NUP35: variants seen among roughly 807,000 people sequenced by gnomAD.
NUP35 encodes the protein nucleoporin NUP35.
In NUP35, 25 loss-of-function variants were observed where a neutral mutation model predicts 41.5. That is an observed-to-expected ratio of 0.60 (90% CI 0.44 to 0.84). NUP35 has a LOEUF of 0.84. NUP35 is among the 40% of genes least tolerant of loss of function. NUP35 has a pLI of 0.00. For synonymous variants in NUP35, 149 were observed against 130.7 expected, an observed-to-expected ratio of 1.14 and a Z score of -0.96; for missense variants, 396 against 396.6, an observed-to-expected ratio of 1.00 and a Z score of 0.01.
chr2:183,145,693 A>G (rs899772633), intron 4 of NUP35, among the ~76,000 whole-genome samples: 9 of 152,212 alleles, frequency 5.9e-5, no homozygotes, highest in Non-Finnish European at 1.0e-4. Flanking sequence ...TACTCCAACA[A>G]TAAAATGGGA....
upstream of NUP35, among the ~76,000 whole-genome samples, chr2:183,123,414 C>A (rs1293708569): frequency 6.6e-6 from 1 of 152,138 alleles, no homozygotes; most frequent in Non-Finnish European, 1.5e-5. Context: ...ATTCACACAC[C>A]CATTTTCAAA....
At chr2:183,130,940 G>A in intron 3 of NUP35, 4 of 1,151,262 alleles carry the variant, frequency 3.5e-6, no homozygotes, top group South Asian at 1.7e-5. Context: ...TAGATCTAGG[G>A]CACTCGTCAG....
intron 7 of NUP35, 121 bp downstream of exon 7, chr2:183,158,532 T>C: frequency 2.3e-6 from 2 of 872,206 alleles, no homozygotes; most frequent in Admixed American, 2.8e-5. Context: ...GTTTGTAAAA[T>C]GTGATGATGT....
chr2:183,129,119 A>T (rs1420212722), intron 2 of NUP35, among the ~76,000 whole-genome samples: 1 of 152,244 alleles, frequency 6.6e-6, no homozygotes, highest in African/African-American at 2.4e-5. Flanking sequence ...AATAGGAAAT[A>T]ATCGGTCAAA....
At chr2:183,124,385 C>G (rs965066581), upstream of NUP35, 11 of 1,613,314 alleles carry the variant, frequency 6.8e-6, no homozygotes, top group East Asian at 2.5e-4. Flanking sequence ...ACGCCGTTAC[C>G]CGTGGGGAGC....
At chr2:183,123,065 C>G (rs1429590055), upstream of NUP35, among the ~76,000 whole-genome samples, 2 of 152,140 alleles carry the variant, frequency 1.3e-5, no homozygotes, top group Non-Finnish European at 2.9e-5. Flanking sequence ...GATGCTACAT[C>G]GTTGGCTTTG....
intron 4 of NUP35, among the ~76,000 whole-genome samples, chr2:183,148,825 A>AT (rs1050468089): frequency 1.3e-5 from 2 of 152,026 alleles, no homozygotes; most frequent in Non-Finnish European, 2.9e-5. Context: ...CGCCCAGCTA[A>AT]TTTTTTGTAT....
At chr2:183,142,571 C>T (rs1258994726) in intron 4 of NUP35, among the ~76,000 whole-genome samples, 3 of 151,590 alleles carry the variant, frequency 2.0e-5, no homozygotes, top group African/African-American at 2.4e-5. Flanking sequence ...AACCTGCCTC[C>T]CCAGGTTCAA....
intron 4 of NUP35, among the ~76,000 whole-genome samples, chr2:183,144,581 T>C (rs1288145729): frequency 6.7e-6 from 1 of 148,498 alleles, no homozygotes. Flanking sequence ...GACATTTTCA[T>C]AAAGGGTAAT....
At chr2:183,138,944 G>C (rs1372563093) in intron 4 of NUP35, among the ~76,000 whole-genome samples, 1 of 151,864 alleles carries the variant, frequency 6.6e-6, no homozygotes, top group Admixed American at 6.6e-5. Context: ...TTTGGGTTAG[G>C]TACTCCTTAC....
chr2:183,122,098 C>G (rs2705716), upstream of NUP35, among the ~76,000 whole-genome samples: 141,508 of 148,456 alleles, frequency 0.95, 67,471 homozygotes, highest in East Asian at 1. Flanking sequence ...TTTTTTTGGA[C>G]ACAGAGTCTC....
chr2:183,159,821 G>T, intron 8 of NUP35, 169 bp downstream of exon 8: 5 of 493,586 alleles, frequency 1.0e-5, no homozygotes, highest in South Asian at 4.2e-5. Flanking sequence ...TTAACATCTT[G>T]GCCAATTGGA....
intron 4 of NUP35, among the ~76,000 whole-genome samples, chr2:183,149,408 G>T (rs1351264891): frequency 1.3e-5 from 2 of 151,788 alleles, no homozygotes; most frequent in Non-Finnish European, 2.9e-5. Context: ...AAGAAAAAAA[G>T]ATTTGCAGGA....
At chr2:183,156,437 T>C (rs1157264085) in intron 5 of NUP35, among the ~76,000 whole-genome samples, 1 of 152,220 alleles carries the variant, frequency 6.6e-6, no homozygotes, top group Non-Finnish European at 1.5e-5. Context: ...CTTCCCAGGT[T>C]CAAGCGATAC....
upstream of NUP35, among the ~76,000 whole-genome samples, chr2:183,120,870 T>C (rs990920183): frequency 2.0e-5 from 3 of 152,174 alleles, no homozygotes; most frequent in Non-Finnish European, 4.4e-5. Flanking sequence ...GGGTAGGTTG[T>C]GCAGCAAGCA....
At chr2:183,154,891 A>ACATGGCTGGGGAGGCCTCAGAAT (rs1186290012) in intron 5 of NUP35, among the ~76,000 whole-genome samples, 4 of 152,338 alleles carry the variant, frequency 2.6e-5, no homozygotes, top group East Asian at 3.9e-4. Context: ...TTACAGTTCC[A>ACATGGCTGGGGAGGCCTCAGAAT]CATGGCTGGG....
intron 8 of NUP35, 32 bp downstream of exon 8, chr2:183,159,684 C>G (rs772111903): frequency 1.9e-6 from 3 of 1,548,480 alleles, no homozygotes; most frequent in African/African-American, 2.7e-5. Context: ...AAAAGATGTA[C>G]TTTAATGGCT....
intron 1 of NUP35, among the ~76,000 whole-genome samples, chr2:183,125,702 G>A (rs1030046918): frequency 2.6e-5 from 4 of 151,120 alleles, no homozygotes; most frequent in Non-Finnish European, 3.0e-5. Flanking sequence ...ATTTATTGGG[G>A]TTACAAATGT....
At chr2:183,147,990 G>A (rs1452226663) in intron 4 of NUP35, among the ~76,000 whole-genome samples, 1 of 151,564 alleles carries the variant, frequency 6.6e-6, no homozygotes, top group Non-Finnish European at 1.5e-5. Context: ...GAATGTTATT[G>A]GTGTATAGAA....
Sources: gnomAD v4.1 joint callset for allele counts (sites outside exome capture counted in the v4.1 genomes callset) on GRCh38, gnomAD v4.1.1 for gene constraint, MANE v1.5 for transcripts, NCBI Gene and HGNC (gene_info 2026-07-23, HGNC 2026-07-21) for gene names.